RALYL: variants seen among roughly 807,000 people sequenced by gnomAD.
The protein encoded by RALYL is RALY RNA binding protein like.
A neutral mutation model predicts 35.1 loss-of-function variants in RALYL; 29 were observed. The observed-to-expected ratio is 0.83, with a 90% CI of 0.61 to 1.13. The LOEUF is 1.13. Among genes scored for constraint, RALYL ranks in the 50% most tolerant of loss-of-function variants. The pLI is 0.00. For missense variants in RALYL, 359 were observed against 360.4 expected, an observed-to-expected ratio of 1.00 and a Z score of 0.03; for synonymous variants, 120 against 127.6, an observed-to-expected ratio of 0.94 and a Z score of 0.40.
intron 1 of RALYL, among the ~76,000 whole-genome samples, chr8:84,426,157 G>A (rs1181058613): frequency 6.6e-6 from 1 of 152,080 alleles, no homozygotes; most frequent in African/African-American, 2.4e-5. Flanking sequence ...CATATAGATA[G>A]TATAAAGGTT....
At chr8:84,723,828 A>G (rs1040908359) in intron 2 of RALYL, among the ~76,000 whole-genome samples, 3 of 151,694 alleles carry the variant, frequency 2.0e-5, no homozygotes, top group Non-Finnish European at 4.4e-5. Flanking sequence ...TATACTCACC[A>G]TTCCCCCACC....
At position 84,491,205 on chromosome 8, in the gene RALYL, C is replaced by T. The variant is rs372373681; in HGVS notation, c.-23-38094C>T. On this transcript the variant is annotated intron_variant, in intron 1 of 8. Coordinates refer to ENST00000521268, the MANE Select transcript of RALYL (RefSeq NM_173848.7). ...ATCTTTAATACTACTTGCTCACTCT[C>T]TGTCTCTCTCTATCCCCTACACATA... 1.4e-4 allele frequency among the ~76,000 whole-genome samples: 22 copies of T among 152,134 alleles called. 2 individuals are homozygous for T. In the South Asian group the frequency reaches 4.1e-3, roughly 29 times the overall value.
chr8:84,215,847 A>G (rs1820679561), intron 1 of RALYL, among the ~76,000 whole-genome samples: 1 of 152,226 alleles, frequency 6.6e-6, no homozygotes, highest in Non-Finnish European at 1.5e-5. Flanking sequence ...TTTGATAAGT[A>G]ATGCGTACGC....
intron 4 of RALYL, among the ~76,000 whole-genome samples, chr8:84,816,848 G>A (rs1051851136): frequency 7.2e-5 from 11 of 152,168 alleles, no homozygotes; most frequent in South Asian, 2.1e-4. Context: ...TACACATTGC[G>A]TACCTGTGTG....
chr8:84,496,599 C>T (rs1019126691), intron 1 of RALYL, among the ~76,000 whole-genome samples: 1 of 152,096 alleles, frequency 6.6e-6, no homozygotes, highest in Non-Finnish European at 1.5e-5. Context: ...ACTGAATCCC[C>T]TTAGTAGTGC....
At chr8:84,404,174 G>T (rs1217058907) in intron 1 of RALYL, among the ~76,000 whole-genome samples, 1 of 151,864 alleles carries the variant, frequency 6.6e-6, no homozygotes, top group Non-Finnish European at 1.5e-5. Context: ...TCTTTCTCTT[G>T]CCTGATTGCC....
At chr8:84,576,864 C>A (rs765884250) in intron 2 of RALYL, among the ~76,000 whole-genome samples, 11 of 152,200 alleles carry the variant, frequency 7.2e-5, no homozygotes, top group Non-Finnish European at 1.2e-4. Flanking sequence ...TTTGTGACTG[C>A]AACTCTAAAC....
intron 8 of RALYL, among the ~76,000 whole-genome samples, chr8:84,914,278 G>A (rs1848068264): frequency 6.6e-6 from 1 of 152,094 alleles, no homozygotes; most frequent in East Asian, 1.9e-4. Flanking sequence ...AGGCAATTTA[G>A]AGTACTATCC....
At chr8:84,664,289 G>A (rs1235870558) in intron 2 of RALYL, among the ~76,000 whole-genome samples, 5 of 33,196 alleles carry the variant, frequency 1.5e-4, no homozygotes, top group South Asian at 1.1e-3. Flanking sequence ...TTTTTTTTTC[G>A]CTTTGGATTG....
chr8:84,203,526 A>G (rs1164951571), intron 1 of RALYL, among the ~76,000 whole-genome samples: 1 of 152,140 alleles, frequency 6.6e-6, no homozygotes, highest in Non-Finnish European at 1.5e-5. Flanking sequence ...TGAAACAAGA[A>G]TTGAGATTTC....
chr8:84,807,393 C>A (rs547321589), intron 4 of RALYL, among the ~76,000 whole-genome samples: 1 of 152,296 alleles, frequency 6.6e-6, no homozygotes, highest in East Asian at 1.9e-4. Context: ...ATATACACCA[C>A]AATTTCTTTA....
chr8:84,614,068 A>G (rs1242752185), intron 2 of RALYL, among the ~76,000 whole-genome samples: 2 of 151,384 alleles, frequency 1.3e-5, no homozygotes, highest in Non-Finnish European at 2.9e-5. Context: ...CTCATCTGTA[A>G]AATGGGATCC....
At chr8:84,674,609 T>C (rs190203312) in intron 2 of RALYL, among the ~76,000 whole-genome samples, 180 of 152,318 alleles carry the variant, frequency 1.2e-3, no homozygotes, top group Non-Finnish European at 2.2e-3. Flanking sequence ...TCTGGATGAT[T>C]ACACAGTACT....
chr8:84,521,782 TAAG>T (rs1310796604), intron 1 of RALYL, among the ~76,000 whole-genome samples: 1 of 152,174 alleles, frequency 6.6e-6, no homozygotes, highest in Non-Finnish European at 1.5e-5. Context: ...AAATAACCAA[TAAG>T]AAATTATTAA....
chr8:84,908,282 T>C (rs1846875238), intron 8 of RALYL, among the ~76,000 whole-genome samples: 1 of 152,176 alleles, frequency 6.6e-6, no homozygotes, highest in Admixed American at 6.6e-5. Context: ...ATAGTCACCA[T>C]ACTGTGCAAT....
At chr8:84,495,704 CT>C (rs1037538125) in intron 1 of RALYL, among the ~76,000 whole-genome samples, 12 of 152,112 alleles carry the variant, frequency 7.9e-5, no homozygotes, top group African/African-American at 2.9e-4. Flanking sequence ...ACTCACCTTT[CT>C]TTTTTGTCTT....
intron 1 of RALYL, among the ~76,000 whole-genome samples, chr8:84,391,097 A>G (rs992810548): frequency 6.6e-6 from 1 of 151,948 alleles, no homozygotes; most frequent in African/African-American, 2.4e-5. Flanking sequence ...CACTCACTTA[A>G]CATATGGGAG....
intron 2 of RALYL, among the ~76,000 whole-genome samples, chr8:84,586,152 G>T (rs1811949757): frequency 6.6e-6 from 1 of 150,766 alleles, no homozygotes. Flanking sequence ...CCAAGATCAT[G>T]CCACTGCACT....
At chr8:84,834,826 A>C (rs1831625661) in intron 4 of RALYL, among the ~76,000 whole-genome samples, 2 of 152,274 alleles carry the variant, frequency 1.3e-5, no homozygotes, top group Admixed American at 1.3e-4. Context: ...AGTAAATACT[A>C]TAGCAGAAAG....
Sources: allele counts gnomAD v4.1 joint callset (sites outside exome capture counted in the v4.1 genomes callset), GRCh38; gene constraint gnomAD v4.1.1; transcripts MANE v1.5; gene names NCBI Gene and HGNC (gene_info 2026-07-23, HGNC 2026-07-21).